LRRC43: variants seen among roughly 807,000 people sequenced by gnomAD.
LRRC43 encodes the protein leucine-rich repeat-containing protein 43.
In LRRC43, 62 loss-of-function variants were observed where a neutral mutation model predicts 64.3. The ratio of observed to expected loss-of-function variants is 0.96; its 90% CI spans 0.79 to 1.19. The LOEUF is 1.19. Among genes scored for constraint, LRRC43 ranks in the 50% most tolerant of loss-of-function variants. The pLI is 0.00. For missense variants in LRRC43, 868 were observed against 845.0 expected (o/e 1.03, Z -0.34); for synonymous variants, 422 against 382.3 (o/e 1.10, Z -1.21).
intron 7 of LRRC43, among the ~76,000 whole-genome samples, chr12:122,193,452 G>A (rs189933218): frequency 2.3e-3 from 335 of 142,950 alleles, no homozygotes; most frequent in Middle Eastern, 0.015. Context: ...TTTAGATTTC[G>A]TGTTCAGCCC....
At chr12:122,202,568 A>G (rs1001737809) in intron 11 of LRRC43, 1 of 152,224 alleles carries the variant, frequency 6.6e-6, no homozygotes, top group Non-Finnish European at 1.5e-5. Flanking sequence ...CTACAGGTTA[A>G]CAGACTTATG....
intron 11 of LRRC43, among the ~76,000 whole-genome samples, chr12:122,201,675 T>C (rs558237790): frequency 6.6e-6 from 1 of 152,264 alleles, no homozygotes; most frequent in South Asian, 2.1e-4. Context: ...GGGCTTGTCC[T>C]GTGGGGAGCT....
At chr12:122,181,921 CAGTAA>C (rs1193999690), upstream of LRRC43, among the ~76,000 whole-genome samples, 1 of 151,572 alleles carries the variant, frequency 6.6e-6, no homozygotes, top group Non-Finnish European at 1.5e-5. Flanking sequence ...TTTCTAATAA[CAGTAA>C]AGTTGTCCCG....
chr12:122,183,748 A>C (rs1401169853), intron 1 of LRRC43, among the ~76,000 whole-genome samples: 2 of 152,160 alleles, frequency 1.3e-5, no homozygotes, highest in Non-Finnish European at 2.9e-5. Flanking sequence ...CCAGAGTCCT[A>C]GACCCTTCCC....
At chr12:122,199,688 ATCC>A (rs1489439777) in intron 7 of LRRC43, among the ~76,000 whole-genome samples, 1 of 151,438 alleles carries the variant, frequency 6.6e-6, no homozygotes, top group Non-Finnish European at 1.5e-5. Flanking sequence ...GGCTCAAGCA[ATCC>A]TCCTACCTCA....
intron 1 of LRRC43, among the ~76,000 whole-genome samples, chr12:122,168,856 A>G (rs1424400225): frequency 1.3e-5 from 2 of 152,122 alleles, no homozygotes; most frequent in African/African-American, 4.8e-5. Flanking sequence ...TTAGTCTTCA[A>G]TCTGTGACCA....
At chr12:122,169,118 C>T (rs940304915) in intron 1 of LRRC43, among the ~76,000 whole-genome samples, 1 of 152,080 alleles carries the variant, frequency 6.6e-6, no homozygotes, top group Non-Finnish European at 1.5e-5. Flanking sequence ...GCCACCTTAC[C>T]GTATTCCCTC....
chr12:122,179,193 C>T (rs1953561768), upstream of LRRC43, among the ~76,000 whole-genome samples: 1 of 152,178 alleles, frequency 6.6e-6, no homozygotes, highest in Admixed American at 6.6e-5. Context: ...CTCCCAGGCT[C>T]AAGAGATCCT....
rs1953664006 is a variant in LRRC43 at position 122,187,807 on chromosome 12, C to T, written c.629C>T (p.Pro210Leu). The change falls in exon 4 of 12, where the codon CCC becomes CTC. Residue 210 changes from proline to leucine, a missense_variant. Physicochemically the swap from Pro to Leu is moderately conservative, Grantham distance 98. Coordinates refer to ENST00000339777, the MANE Select transcript of LRRC43 (RefSeq NM_001098519.2). ...TTAGGCCACAACAAACTTCTAGGCC[C>T]CTTGGAAAGTCTCTACGTCACCGCT... Reference protein sequence around the residue: ...LGLGHNKLLGPLESLYVTANH... With the variant: ...LGLGHNKLLGLLESLYVTANH... 3 of 1,614,000 alleles carry T rather than the reference C, an allele frequency of 1.9e-6. No homozygotes were observed. The highest frequency in any genetic ancestry group is 1.3e-5 in the African/African-American group (1 of 74,920).
At chr12:122,175,014 A>AT (rs1953525019) in intron 1 of LRRC43, among the ~76,000 whole-genome samples, 1 of 151,112 alleles carries the variant, frequency 6.6e-6, no homozygotes, top group South Asian at 2.1e-4. Flanking sequence ...TAATTTTTGT[A>AT]TTTTTAGTAG....
Position 122,187,662 on chromosome 12 carries a change from G to T in LRRC43, c.523-39G>T, listed in dbSNP as rs1388652686. On this transcript the variant is annotated intron_variant, in intron 3 of 11. Transcript: ENST00000339777. ...GGGGCCTGATCCTCAGCGCTGACTT[G>T]GGGCCCCATCGTCCCGGGCCTTCCG... The T allele has an allele frequency of 3.1e-6, 5 of 1,605,082 alleles. No homozygotes were observed. The Admixed American group carries it at 5.0e-5, about 16-fold the overall frequency.
At position 122,200,162 on chromosome 12, in the gene LRRC43, C is replaced by G; in HGVS notation, c.1350-27C>G. The stretch of plus-strand genomic sequence containing the variant: ...GGCCACAGCCCCTGGGTGACGGCAC[C>G]CCCGTCTTCATCCCTCCCTCCCCAA... On this transcript the variant is annotated intron_variant, in intron 7 of 11. Coordinates refer to ENST00000339777, the MANE Select transcript of LRRC43 (RefSeq NM_001098519.2). This position sits in a 1 kb window ranked among gnomAD's most constrained non-coding sequence, Gnocchi z 4.6. The G allele has an allele frequency of 1.2e-6, 2 of 1,607,848 alleles. No individual in the cohort carries two copies. The highest frequency in any genetic ancestry group is 2.2e-5 in the East Asian group (1 of 44,820).
intron 1 of LRRC43, among the ~76,000 whole-genome samples, chr12:122,172,944 G>T (rs559488885): frequency 6.6e-6 from 1 of 152,118 alleles, no homozygotes; most frequent in East Asian, 1.9e-4. Flanking sequence ...TGAAGCCTGT[G>T]CTCAGAACCA....
chr12:122,170,080 T>C (rs1953472072), intron 1 of LRRC43, among the ~76,000 whole-genome samples: 1 of 152,166 alleles, frequency 6.6e-6, no homozygotes, highest in Admixed American at 6.6e-5. Flanking sequence ...GTGCTGGGAT[T>C]ACAGGTGTGA....
intron 1 of LRRC43, among the ~76,000 whole-genome samples, chr12:122,168,979 C>G (rs1181159708): frequency 6.6e-6 from 1 of 152,126 alleles, no homozygotes; most frequent in Non-Finnish European, 1.5e-5. Flanking sequence ...CCTGATGGGA[C>G]TGGGATGGTG....
At chr12:122,194,728 C>T (rs1326397400) in intron 7 of LRRC43, among the ~76,000 whole-genome samples, 1 of 152,172 alleles carries the variant, frequency 6.6e-6, no homozygotes, top group Admixed American at 6.5e-5. Context: ...GCCTCAGCCT[C>T]CCAAAGTGCT....
At chr12:122,168,389 C>T (rs1360717632) in intron 1 of LRRC43, among the ~76,000 whole-genome samples, 5 of 150,476 alleles carry the variant, frequency 3.3e-5, no homozygotes, top group African/African-American at 9.8e-5. Context: ...TGTAATGAGC[C>T]GAGATTGCAT....
chr12:122,168,174 C>T (rs898179093), intron 1 of LRRC43, among the ~76,000 whole-genome samples: 24 of 147,824 alleles, frequency 1.6e-4, no homozygotes, highest in African/African-American at 5.9e-4. Context: ...GGTGTGGTGG[C>T]TCACGCCTGT....
At chr12:122,171,159 T>C (rs1323643568) in intron 1 of LRRC43, among the ~76,000 whole-genome samples, 1 of 152,162 alleles carries the variant, frequency 6.6e-6, no homozygotes, top group African/African-American at 2.4e-5. Context: ...GATTGCTGCA[T>C]GCCGCGCCTG....
Sources: allele counts gnomAD v4.1 joint callset (sites outside exome capture counted in the v4.1 genomes callset), GRCh38; gene constraint gnomAD v4.1.1; non-coding constraint Gnocchi (gnomAD v3.1); transcripts MANE v1.5; gene names NCBI Gene and HGNC (gene_info 2026-07-23, HGNC 2026-07-21).